SYNJ1: variants seen among roughly 807,000 people sequenced by gnomAD.
SYNJ1 encodes synaptojanin 1.
SYNJ1 carries 78 observed loss-of-function variants against 168.2 expected under a neutral mutation model. The observed-to-expected ratio is 0.46, with a 90% CI of 0.39 to 0.56. The LOEUF (loss-of-function observed/expected upper bound fraction) is 0.56, where lower values mean the gene tolerates loss of function less well. Among genes scored for constraint, SYNJ1 ranks in the 20% least tolerant of loss-of-function variants. The probability of loss-of-function intolerance (pLI) is 0.00; values close to 1 mark genes in which losing one functional copy is unlikely to be tolerated. For missense variants in SYNJ1, 1,303 were observed against 1,597.6 expected, an observed-to-expected ratio of 0.82 and a Z score of 3.14; for synonymous variants, 539 against 548.6, an observed-to-expected ratio of 0.98 and a Z score of 0.24.
intron 25 of SYNJ1, 42 bp from the exon 26 acceptor site, chr21:32,645,048 A>G (rs749931339): frequency 6.3e-7 from 1 of 1,581,156 alleles, no homozygotes; most frequent in South Asian, 1.2e-5. Context: ...AGGAAATGAC[A>G]TTAAATACAG....
rs551070196 is a variant in SYNJ1, at chr21:32,699,993, G to A, written c.324C>T (p.Ile108=). The change falls in exon 4 of 33, where the codon ATC becomes ATT. Residue 108 remains isoleucine, a synonymous_variant. Coordinates refer to ENST00000674351, the MANE Select transcript of SYNJ1 (RefSeq NM_203446.3). ...VTSTEFISLR[I]DSSDEDRISE... ...AAATGCGATCCTCATCTGAAGAATC[G>A]ATTCGCAGTGATATAAACTCAGTGG... 128 of 1,614,054 alleles carry A rather than the reference G, an allele frequency of 7.9e-5. No homozygotes were observed. Among genetic ancestry groups the A allele is most frequent in the East Asian group, 2.2e-4 (10 of 44,880 alleles).
chr21:32,672,464 C>T (rs1368325948), intron 14 of SYNJ1, among the ~76,000 whole-genome samples: 3 of 151,790 alleles, frequency 2.0e-5, no homozygotes, highest in South Asian at 2.1e-4. Flanking sequence ...CTCAGCCTCC[C>T]GAGTAGCTGG....
At chr21:32,650,440 T>C (rs1363954776) in intron 22 of SYNJ1, 94 bp from the exon 23 acceptor site, 51 of 1,058,638 alleles carry the variant, frequency 4.8e-5, no homozygotes, top group Non-Finnish European at 6.4e-5. Flanking sequence ...TGCAATGGTA[T>C]AGACAGTTAA....
At chr21:32,656,579 G>A in intron 21 of SYNJ1, 108 bp downstream of exon 21, 1 of 869,678 alleles carries the variant, frequency 1.1e-6, no homozygotes, top group East Asian at 2.7e-5. Flanking sequence ...ACTAAATAAG[G>A]TGGTATCTTT....
Position 32,700,065 on chromosome 21 carries a change from A to C in SYNJ1, c.252T>G (p.Cys84Trp), listed in dbSNP as rs747937136. 1.9e-6 allele frequency: 3 copies of C among 1,614,138 alleles called. No homozygotes were observed. The highest frequency in any genetic ancestry group is 1.7e-4 in the Middle Eastern group (1 of 6,040). Residue 84 changes from cysteine to tryptophan, a missense_variant, in exon 4 of 33, where the codon TGT (cysteine) becomes TGG (tryptophan). By Grantham distance (215) the Cys-to-Trp change is radical (BLOSUM62 -2). Coordinates refer to ENST00000674351, the MANE Select transcript of SYNJ1 (RefSeq NM_203446.3). ...ATTCTTGAATTTTTCCAACAGACAT[A>C]CATCCAGTGACTAGGACCAGATAAT... ...MLHYLVLVTG[C>W]MSVGKIQESE...
At chr21:32,647,738 G>GT (rs1169414158) in intron 23 of SYNJ1, among the ~76,000 whole-genome samples, 2 of 152,072 alleles carry the variant, frequency 1.3e-5, no homozygotes, top group Non-Finnish European at 2.9e-5. Context: ...TGATTCCCCT[G>GT]TTTAATCTTT....
rs370400799 is a variant in SYNJ1, at chr21:32,646,585, T to C, written c.3055A>G (p.Ser1019Gly). The C allele has an allele frequency of 1.2e-6, 2 of 1,614,016 alleles. No homozygotes were observed. Among genetic ancestry groups the C allele is most frequent in the Non-Finnish European group, 1.7e-6 (2 of 1,179,860 alleles). ...GGAAGAAGTTCCTCCACTTCAGCAC[T>C]ATAGTCATCAACATCACCTAAGGAA... ...FDMEGDVDDY[S>G]AEVEELLPQH... Residue 1019 changes from serine (S) to glycine (G), a missense_variant, in exon 24 of 33, where the codon AGT (serine) becomes GGT (glycine). Ser to Gly is a moderately conservative substitution (Grantham distance 56). Coordinates refer to ENST00000674351, the MANE Select transcript of SYNJ1 (RefSeq NM_203446.3).
Position 32,646,501 on chromosome 21 carries a change from G to A in SYNJ1, c.3139C>T (p.Arg1047Ter). Reference sequence around the variant, plus strand: ...GTAGGTGACTGGCAGGGACTAGTTCGGGGTGAAGAGCTGGGGGAAGTACCA... The same window carrying A: ...GTAGGTGACTGGCAGGGACTAGTTCAGGGTGAAGAGCTGGGGGAAGTACCA... Reference protein sequence around the residue: ...GLGTSPSSSPRTSPCQSPTIS... With the variant: ...GLGTSPSSSP The change falls in exon 24 of 33, where the codon CGA (arginine) becomes TGA (stop). Residue 1047 changes from arginine (R) to a stop codon, truncating the protein, a stop_gained. Transcript: ENST00000674351. LOFTEE classifies it high-confidence loss of function. 1 of 1,614,126 alleles carries A rather than the reference G, an allele frequency of 6.2e-7. No homozygotes were observed.
In SYNJ1 at chr21:32,650,325, T is replaced by C. The variant is rs1601283648; in HGVS notation, c.2896A>G (p.Ile966Val). Residue 966 changes from isoleucine to valine, a missense_variant, in exon 23 of 33, where the codon ATT (isoleucine) becomes GTT (valine). Physicochemically the swap from Ile to Val is conservative, Grantham distance 29. Transcript: ENST00000674351. ...GKELLNRTITIALKSPDWIKN... is the reference protein window; with the variant it reads ...GKELLNRTITVALKSPDWIKN... ...ATCCAGTCTGGACTTTTTAAAGCAA[T>C]AGTTATAGTCCGATTCAATAACTAG... 1.9e-6 allele frequency: 3 copies of C among 1,612,126 alleles called. No individual in the cohort carries two copies. In the African/African-American group the frequency reaches 4.0e-5, roughly 22 times the overall value.
chr21:32,704,580 G>A (rs1312522674), intron 2 of SYNJ1, among the ~76,000 whole-genome samples: 1 of 152,158 alleles, frequency 6.6e-6, no homozygotes, highest in Non-Finnish European at 1.5e-5. Flanking sequence ...ATGAGTTCCT[G>A]AAGTCTGACT....
chr21:32,676,236 G>GT, intron 13 of SYNJ1, 96 bp downstream of exon 13: 1 of 973,118 alleles, frequency 1.0e-6, no homozygotes, highest in Non-Finnish European at 1.5e-6. Context: ...AAATGAGAAA[G>GT]TTTCCAATTA....
chr21:32,632,189 A>C (rs1300459380), intron 32 of SYNJ1, among the ~76,000 whole-genome samples: 1 of 152,208 alleles, frequency 6.6e-6, no homozygotes. Flanking sequence ...TATATAAATA[A>C]AATTCTAACA....
chr21:32,650,407 A>T, intron 22 of SYNJ1, 61 bp from the exon 23 acceptor site: 1 of 1,487,142 alleles, frequency 6.7e-7, no homozygotes, highest in Middle Eastern at 2.3e-4. Context: ...ATTTGGAATA[A>T]AGAGGCTGAC....
chr21:32,653,151 T>G (rs2040335687), intron 22 of SYNJ1, 137 bp downstream of exon 22: 2 of 678,962 alleles, frequency 2.9e-6, no homozygotes, highest in Non-Finnish European at 2.4e-6. Flanking sequence ...ATAAAAAACA[T>G]TAAATAACTC....
At chr21:32,679,204 C>T (rs1270136886) in intron 11 of SYNJ1, among the ~76,000 whole-genome samples, 4 of 152,100 alleles carry the variant, frequency 2.6e-5, no homozygotes, top group Non-Finnish European at 5.9e-5. Flanking sequence ...AAAGAAGATA[C>T]ACTGAGCTTA....
chr21:32,668,815 C>T (rs1195129447), intron 15 of SYNJ1, among the ~76,000 whole-genome samples: 1 of 152,180 alleles, frequency 6.6e-6, no homozygotes, highest in Non-Finnish European at 1.5e-5. Flanking sequence ...GTTCCCAAAG[C>T]CCATGGGGTC....
chr21:32,660,863 T>C (rs934717254), intron 18 of SYNJ1, among the ~76,000 whole-genome samples: 20 of 152,192 alleles, frequency 1.3e-4, no homozygotes, highest in Non-Finnish European at 2.6e-4. Flanking sequence ...TTAGAGGCAG[T>C]GTGGAAACCT....
chr21:32,672,059 C>CAAAAAAAAAAAAAAAAAAAAAAAAA (rs1160074724), intron 14 of SYNJ1, among the ~76,000 whole-genome samples: 7 of 24,636 alleles, frequency 2.8e-4, no homozygotes, highest in Non-Finnish European at 5.1e-4. Context: ...AACTCAATCT[C>CAAAAAAAAAAAAAAAAAAAAAAAAA]AAAAAAAAAA....
At chr21:32,719,827 T>C (rs942886883) in intron 2 of SYNJ1, among the ~76,000 whole-genome samples, 1 of 152,190 alleles carries the variant, frequency 6.6e-6, no homozygotes, top group Non-Finnish European at 1.5e-5. Context: ...ATGTTCTATT[T>C]TTTCTGCATT....
Sources: allele counts gnomAD v4.1 joint callset (sites outside exome capture counted in the v4.1 genomes callset), GRCh38; gene constraint gnomAD v4.1.1; transcripts MANE v1.5; gene names NCBI Gene and HGNC (gene_info 2026-07-23, HGNC 2026-07-21).